Variants in MAGI2 observed in about 807,000 individuals in gnomAD.
MAGI2 encodes the protein membrane-associated guanylate kinase, WW and PDZ domain-containing protein 2.
In MAGI2, 35 loss-of-function variants were observed where a neutral mutation model predicts 133.3. The ratio of observed to expected loss-of-function variants is 0.26; its 90% CI spans 0.20 to 0.35. The LOEUF is 0.35. MAGI2 is among the 10% of genes least tolerant of loss of function. MAGI2 has a pLI of 1.00. For missense variants in MAGI2, 1,636 were observed against 1,863.4 expected, an observed-to-expected ratio of 0.88 and a Z score of 2.25; for synonymous variants, 729 against 710.6, an observed-to-expected ratio of 1.03 and a Z score of -0.41.
chr7:78,971,135 C>T (rs940898910), intron 2 of MAGI2, among the ~76,000 whole-genome samples: 1 of 151,854 alleles, frequency 6.6e-6, no homozygotes, highest in Non-Finnish European at 1.5e-5. Context: ...ACAGTAGAGC[C>T]CCCAGAAGAC....
rs778224905 is a variant in MAGI2 at position 78,178,111 on chromosome 7, A to C, written c.2312-9T>G. 1 of 1,573,632 alleles carries C rather than the reference A, an allele frequency of 6.4e-7. No individual in the cohort carries two copies. Among genetic ancestry groups the C allele is most frequent in the Non-Finnish European group, 8.7e-7 (1 of 1,143,662 alleles). On this transcript the variant is annotated splice_polypyrimidine_tract_variant and intron_variant, in intron 13 of 21. Coordinates refer to ENST00000354212, the MANE Select transcript of MAGI2 (RefSeq NM_012301.4). ...TTCCTTATAATCTGGACCTGGCATA[A>C]AGGAGATCCCATTGAGTAATGAATC...
chr7:78,621,523 C>G (rs958013229), intron 3 of MAGI2, among the ~76,000 whole-genome samples: 1 of 151,932 alleles, frequency 6.6e-6, no homozygotes, highest in Non-Finnish European at 1.5e-5. Context: ...ATGGCCAAGT[C>G]CCCCAGGCAA....
At chr7:79,177,636 G>A (rs1826215592) in intron 1 of MAGI2, among the ~76,000 whole-genome samples, 2 of 152,056 alleles carry the variant, frequency 1.3e-5, no homozygotes, top group Non-Finnish European at 2.9e-5. Context: ...ATGCTGTGTA[G>A]GGGATATCAA....
chr7:79,388,860 C>CA (rs1844396001), intron 1 of MAGI2, among the ~76,000 whole-genome samples: 5 of 144,158 alleles, frequency 3.5e-5, no homozygotes, highest in Admixed American at 6.9e-5. Flanking sequence ...AAAAAAAACA[C>CA]AGTCTTGACC....
intron 9 of MAGI2, among the ~76,000 whole-genome samples, chr7:78,311,365 T>C (rs1423021614): frequency 6.6e-6 from 1 of 152,186 alleles, no homozygotes; most frequent in Non-Finnish European, 1.5e-5. Flanking sequence ...GTCCATATCA[T>C]TAAATACTTC....
chr7:78,195,516 C>T lies in MAGI2; in HGVS notation c.2080-453G>A, dbSNP rs1584347351. On this transcript the variant is annotated intron_variant, in intron 11 of 21. Transcript: ENST00000354212. ...TCGTCTGCATATACTCATTTGACAC[C>T]TATGCATATCGCAACAACTTCCTAC... Among the ~76,000 whole-genome samples the T allele has an allele frequency of 2.0e-5, 3 of 152,174 alleles. No homozygotes were observed. In the East Asian group the frequency reaches 5.8e-4, roughly 29 times the overall value.
At chr7:78,306,051 C>T (rs1252172513) in intron 9 of MAGI2, among the ~76,000 whole-genome samples, 2 of 152,004 alleles carry the variant, frequency 1.3e-5, no homozygotes, top group Admixed American at 1.3e-4. Flanking sequence ...TATGAAAATA[C>T]CCATTGCAAG....
chr7:79,265,686 G>T (rs1834406021), intron 1 of MAGI2, among the ~76,000 whole-genome samples: 1 of 152,094 alleles, frequency 6.6e-6, no homozygotes, highest in Admixed American at 6.6e-5. Context: ...TTTTGAGTTA[G>T]ATTTTTTTAA....
intron 1 of MAGI2, among the ~76,000 whole-genome samples, chr7:79,164,402 G>A (rs999680502): frequency 6.6e-6 from 1 of 151,920 alleles, no homozygotes; most frequent in South Asian, 2.1e-4. Flanking sequence ...TGTCTTTTGT[G>A]GGGGAAAATT....
intron 12 of MAGI2, among the ~76,000 whole-genome samples, chr7:78,188,956 C>T (rs1467572708): frequency 2.6e-5 from 4 of 152,050 alleles, no homozygotes; most frequent in East Asian, 1.9e-4. Flanking sequence ...ATATATGATG[C>T]GGCTTCCCCC....
chr7:78,434,708 T>G (rs1472945877), intron 6 of MAGI2, among the ~76,000 whole-genome samples: 2 of 152,042 alleles, frequency 1.3e-5, no homozygotes, highest in Non-Finnish European at 2.9e-5. Context: ...TCAAGAAAGA[T>G]AGTGGGATAT....
intron 10 of MAGI2, among the ~76,000 whole-genome samples, chr7:78,246,852 G>T (rs575773511): frequency 2.0e-5 from 3 of 152,124 alleles, no homozygotes; most frequent in African/African-American, 7.2e-5. Flanking sequence ...GGCCAGTGCC[G>T]TGCCCTGCCC....
intron 5 of MAGI2, among the ~76,000 whole-genome samples, chr7:78,495,880 AGAAAAAAAATATAT>A (rs911034769): frequency 1.5e-4 from 23 of 152,200 alleles, no homozygotes; most frequent in African/African-American, 5.3e-4. Context: ...TGCAGGCACA[AGAAAAAAAATATAT>A]GAAAAAATAT....
chr7:78,660,912 G>GAGTTT (rs1412478247), intron 2 of MAGI2, among the ~76,000 whole-genome samples: 2 of 152,122 alleles, frequency 1.3e-5, no homozygotes, highest in Non-Finnish European at 2.9e-5. Context: ...TATTGAAACA[G>GAGTTT]CACTGATAAG....
At chr7:78,550,548 A>G (rs1799246128) in intron 3 of MAGI2, among the ~76,000 whole-genome samples, 1 of 152,344 alleles carries the variant, frequency 6.6e-6, no homozygotes, top group South Asian at 2.1e-4. Context: ...GACAGATAGA[A>G]GACTGTTAAT....
intron 2 of MAGI2, among the ~76,000 whole-genome samples, chr7:78,791,749 C>T (rs1787166623): frequency 1.3e-5 from 2 of 151,860 alleles, no homozygotes; most frequent in Admixed American, 1.3e-4. Context: ...AGGGTTTCAC[C>T]ATATTGGACA....
chr7:78,324,246 A>C lies in MAGI2; in HGVS notation c.1408+19532T>G, dbSNP rs1448894181. Among the ~76,000 whole-genome samples, 12 of 151,968 alleles carry C rather than the reference A, an allele frequency of 7.9e-5. 1 individual carries two copies. The highest frequency in any genetic ancestry group is 2.4e-5 in the African/African-American group (1 of 41,460). On this transcript the variant is annotated intron_variant, in intron 9 of 21. Transcript: ENST00000354212. ...AGCCTGACTGAGGGGGAAAAAAAAA[A>C]CAGAAGGCTGGTGGAGAGTGAGAAT...
intron 21 of MAGI2, among the ~76,000 whole-genome samples, chr7:78,042,468 C>T (rs1381596507): frequency 2.0e-5 from 3 of 152,126 alleles, no homozygotes; most frequent in Non-Finnish European, 4.4e-5. Context: ...ATCAAGAGGG[C>T]GTGAACTCCT....
intron 10 of MAGI2, among the ~76,000 whole-genome samples, chr7:78,211,125 A>G (rs1054856412): frequency 2.0e-5 from 3 of 152,220 alleles, no homozygotes; most frequent in Admixed American, 6.5e-5. Flanking sequence ...TCATGAGACA[A>G]GAGAGGGTGT....
Sources: gnomAD v4.1 joint callset for allele counts (sites outside exome capture counted in the v4.1 genomes callset) on GRCh38, gnomAD v4.1.1 for gene constraint, MANE v1.5 for transcripts, NCBI Gene and HGNC (gene_info 2026-07-23, HGNC 2026-07-21) for gene names.